Variants in ZHX2 observed in about 807,000 individuals in gnomAD.
The protein encoded by ZHX2 is zinc fingers and homeoboxes 2, also known as zinc fingers and homeoboxes protein 2.
In ZHX2, 6 loss-of-function variants were observed where a neutral mutation model predicts 21.9. The observed-to-expected ratio is 0.27, with a 90% CI of 0.15 to 0.54. ZHX2 has a LOEUF of 0.54. ZHX2 is among the 20% of genes least tolerant of loss of function. The pLI is 0.95. For missense variants in ZHX2, 908 were observed against 1,090.7 expected (o/e 0.83, Z 2.36); for synonymous variants, 434 against 437.1 (o/e 0.99, Z 0.09).
chr8:122,803,050 G>A (rs939526701), intron 1 of ZHX2, among the ~76,000 whole-genome samples: 2 of 151,912 alleles, frequency 1.3e-5, no homozygotes, highest in African/African-American at 4.8e-5. Flanking sequence ...CCTACAGGTG[G>A]TGTTGGTGGC....
intron 1 of ZHX2, among the ~76,000 whole-genome samples, chr8:122,826,047 C>CT (rs1818259954): frequency 6.6e-6 from 1 of 152,140 alleles, no homozygotes; most frequent in Non-Finnish European, 1.5e-5. Flanking sequence ...GTGATCACAC[C>CT]TTCTGCAGCT....
At chr8:122,860,847 A>G (rs1819148390) in intron 1 of ZHX2, among the ~76,000 whole-genome samples, 1 of 152,118 alleles carries the variant, frequency 6.6e-6, no homozygotes, top group Non-Finnish European at 1.5e-5. Flanking sequence ...ATCCTGGTCA[A>G]CATGGTGAAA....
At position 122,782,999 on chromosome 8, in the gene ZHX2, A is replaced by C. The variant is rs553003204; in HGVS notation, c.-283+1053A>C. Among the ~76,000 whole-genome samples, 1 of 152,342 alleles carries C rather than the reference A, an allele frequency of 6.6e-6. No homozygotes were observed. Among genetic ancestry groups the C allele is most frequent in the African/African-American group, 2.4e-5 (1 of 41,588 alleles). On this transcript the variant is annotated intron_variant, in intron 1 of 3. Coordinates refer to ENST00000314393, the MANE Select transcript of ZHX2 (RefSeq NM_014943.5). This position sits in a 1 kb window ranked among gnomAD's most constrained non-coding sequence, Gnocchi z 5.3. ...GATGAGCGGAAAGTTGGAAACCAGC[A>C]GGCATCACAGGACGGTCCCTTTGGC... is the stretch of plus-strand genomic sequence containing the variant.
chr8:122,849,762 A>G (rs1563753341), intron 1 of ZHX2, among the ~76,000 whole-genome samples: 1 of 152,178 alleles, frequency 6.6e-6, no homozygotes, highest in Non-Finnish European at 1.5e-5. Context: ...ATGGGTTCTG[A>G]GGACTAGGAC....
chr8:122,852,550 G>A (rs778831923), intron 1 of ZHX2, among the ~76,000 whole-genome samples: 3 of 151,710 alleles, frequency 2.0e-5, no homozygotes, highest in Non-Finnish European at 4.4e-5. Flanking sequence ...TCTTTCCTGG[G>A]GACAGTTCCT....
At chr8:122,786,917 T>C (rs1466143310) in intron 1 of ZHX2, among the ~76,000 whole-genome samples, 2 of 152,134 alleles carry the variant, frequency 1.3e-5, no homozygotes, top group Non-Finnish European at 2.9e-5. Context: ...TTTTCTGTAT[T>C]GACAAGATTA....
intron 3 of ZHX2, among the ~76,000 whole-genome samples, chr8:122,966,864 G>T (rs570133172): frequency 6.6e-6 from 1 of 151,966 alleles, no homozygotes; most frequent in Non-Finnish European, 1.5e-5. Context: ...ATTAGTTTTT[G>T]TCTCTGTCAA....
rs533146227 is a variant in ZHX2 at position 122,866,505 on chromosome 8, T to C, written c.-220+2966T>C. ...CAGACCTTAGTGGATAGCAGGATTGTAATGTAAGCCAAAATTGTATATGAC... is the reference window on the plus strand; with the variant it reads ...CAGACCTTAGTGGATAGCAGGATTGCAATGTAAGCCAAAATTGTATATGAC... On this transcript the variant is annotated intron_variant, in intron 2 of 3. Coordinates refer to ENST00000314393, the MANE Select transcript of ZHX2 (RefSeq NM_014943.5). 5.3e-5 allele frequency among the ~76,000 whole-genome samples: 8 copies of C among 152,326 alleles called. No homozygotes were observed. In the East Asian group the frequency reaches 1.5e-3, roughly 29 times the overall value.
chr8:122,893,705 T>C (rs1820033940), intron 2 of ZHX2, among the ~76,000 whole-genome samples: 1 of 152,244 alleles, frequency 6.6e-6, no homozygotes, highest in African/African-American at 2.4e-5. Context: ...GACTTTCTCA[T>C]TGAGATCATG....
chr8:122,938,505 G>A (rs1238480584), intron 2 of ZHX2, among the ~76,000 whole-genome samples: 2 of 152,024 alleles, frequency 1.3e-5, no homozygotes, highest in Non-Finnish European at 2.9e-5. Context: ...AGAGCCAAGG[G>A]CATGGCGAGG....
intron 2 of ZHX2, among the ~76,000 whole-genome samples, chr8:122,864,171 G>T (rs1366056140): frequency 1.3e-5 from 2 of 149,690 alleles, no homozygotes; most frequent in Non-Finnish European, 3.0e-5. Flanking sequence ...ATGTTTTACA[G>T]ACCCTGTTCC....
chr8:122,922,223 G>A (rs1323741255), intron 2 of ZHX2, among the ~76,000 whole-genome samples: 1 of 149,220 alleles, frequency 6.7e-6, no homozygotes, highest in Non-Finnish European at 1.5e-5. Context: ...AGCAGAGTCC[G>A]TATCCTAGTG....
At chr8:122,903,898 A>G (rs934168422) in intron 2 of ZHX2, among the ~76,000 whole-genome samples, 1 of 152,144 alleles carries the variant, frequency 6.6e-6, no homozygotes, top group African/African-American at 2.4e-5. Context: ...ACTTCCAAGA[A>G]AATGGAGTAA....
intron 1 of ZHX2, among the ~76,000 whole-genome samples, chr8:122,790,790 T>C (rs1489151382): frequency 6.6e-6 from 1 of 152,140 alleles, no homozygotes; most frequent in East Asian, 1.9e-4. Flanking sequence ...GTATTTTTAG[T>C]AGAGACGGGG....
intron 2 of ZHX2, among the ~76,000 whole-genome samples, chr8:122,937,692 G>C (rs7825631): frequency 6.6e-6 from 1 of 151,048 alleles, no homozygotes; most frequent in Non-Finnish European, 1.5e-5. Context: ...CAATTCTCCC[G>C]CCTCAGCCTC....
chr8:122,841,479 G>A (rs975550120), intron 1 of ZHX2, among the ~76,000 whole-genome samples: 13 of 151,550 alleles, frequency 8.6e-5, no homozygotes, highest in Non-Finnish European at 1.6e-4. Flanking sequence ...CCTCACAGTA[G>A]GGAGTCAGGA....
intron 3 of ZHX2, among the ~76,000 whole-genome samples, chr8:122,967,925 G>T (rs962259932): frequency 6.6e-6 from 1 of 152,096 alleles, no homozygotes; most frequent in Non-Finnish European, 1.5e-5. Flanking sequence ...TTTTTCTTCA[G>T]CTACCAGGGC....
At chr8:122,907,763 T>C (rs1364018995) in intron 2 of ZHX2, among the ~76,000 whole-genome samples, 1 of 152,114 alleles carries the variant, frequency 6.6e-6, no homozygotes, top group Non-Finnish European at 1.5e-5. Context: ...CATCAGAGCA[T>C]TGTGAGGATT....
At chr8:122,940,112 G>T (rs1001829180) in intron 2 of ZHX2, among the ~76,000 whole-genome samples, 1 of 152,296 alleles carries the variant, frequency 6.6e-6, no homozygotes, top group Non-Finnish European at 1.5e-5. Context: ...GGGTTTGGGG[G>T]TTGTGAGATG....
Sources: allele counts gnomAD v4.1 joint callset (sites outside exome capture counted in the v4.1 genomes callset), GRCh38; gene constraint gnomAD v4.1.1; non-coding constraint Gnocchi (gnomAD v3.1); transcripts MANE v1.5; gene names NCBI Gene and HGNC (gene_info 2026-07-23, HGNC 2026-07-21).